The following TAFA2 variants were observed in gnomAD, a reference collection of about 807,000 sequenced individuals.
TAFA2 encodes the protein TAFA chemokine like family member 2.
TAFA2 carries 7 observed loss-of-function variants against 18.8 expected under a neutral mutation model. The observed-to-expected ratio is 0.37, with a 90% CI of 0.21 to 0.70. The LOEUF (loss-of-function observed/expected upper bound fraction) is 0.70, where lower values mean the gene tolerates loss of function less well. Among genes scored for constraint, TAFA2 ranks in the 30% least tolerant of loss-of-function variants. TAFA2 has a pLI of 0.53. For missense variants in TAFA2, 122 were observed against 158.1 expected (o/e 0.77, Z 1.23); for synonymous variants, 60 against 54.2 (o/e 1.11, Z -0.47).
chr12:62,046,547 C>T (rs1294967544), intron 1 of TAFA2, among the ~76,000 whole-genome samples: 2 of 151,968 alleles, frequency 1.3e-5, no homozygotes, highest in Non-Finnish European at 2.9e-5. Flanking sequence ...TTTAAATGCC[C>T]TGATTTTGGC....
intron 1 of TAFA2, among the ~76,000 whole-genome samples, chr12:61,896,504 T>C (rs1016228586): frequency 6.6e-6 from 1 of 152,238 alleles, no homozygotes. Context: ...CACATCATTG[T>C]TCCTGATATT....
intron 4 of TAFA2, among the ~76,000 whole-genome samples, chr12:61,724,682 C>T (rs1379242286): frequency 6.6e-6 from 1 of 151,560 alleles, no homozygotes; most frequent in Non-Finnish European, 1.5e-5. Context: ...TAATGGCCTC[C>T]ATCCAGGTTA....
intron 1 of TAFA2, among the ~76,000 whole-genome samples, chr12:62,112,567 T>C (rs1178675499): frequency 6.6e-6 from 1 of 152,172 alleles, no homozygotes; most frequent in Non-Finnish European, 1.5e-5. Flanking sequence ...CTGGATAATA[T>C]CCTGAAGAAT....
chr12:61,877,940 CATACATATACATATATAT>C (rs1874936616), intron 1 of TAFA2: 1 of 359,082 alleles, frequency 2.8e-6, no homozygotes, highest in South Asian at 2.2e-5. Context: ...CACACACACA[CATACATATACATATATAT>C]ACACACACAG....
At chr12:61,968,237 T>C (rs1049422326) in intron 1 of TAFA2, among the ~76,000 whole-genome samples, 1 of 151,760 alleles carries the variant, frequency 6.6e-6, no homozygotes, top group African/African-American at 2.4e-5. Flanking sequence ...CCTTTTGTCA[T>C]GCTATTTTAC....
At chr12:62,111,163 T>A (rs544029018) in intron 1 of TAFA2, among the ~76,000 whole-genome samples, 1 of 152,358 alleles carries the variant, frequency 6.6e-6, no homozygotes, top group African/African-American at 2.4e-5. Context: ...TTTAACTGTG[T>A]CCCAGAGATT....
intron 1 of TAFA2, among the ~76,000 whole-genome samples, chr12:62,203,074 A>G (rs1034782977): frequency 6.6e-5 from 10 of 150,960 alleles, no homozygotes; most frequent in Non-Finnish European, 1.3e-4. Flanking sequence ...TGATTCACCC[A>G]CCTCAGCCTC....
At chr12:61,884,475 G>A (rs1425900442) in intron 1 of TAFA2, among the ~76,000 whole-genome samples, 1 of 152,144 alleles carries the variant, frequency 6.6e-6, no homozygotes, top group African/African-American at 2.4e-5. Context: ...ACTCTTTGAT[G>A]ATTATTTGTA....
chr12:62,012,117 TA>T (rs1880791097), intron 1 of TAFA2, among the ~76,000 whole-genome samples: 1 of 152,208 alleles, frequency 6.6e-6, no homozygotes, highest in African/African-American at 2.4e-5. Context: ...TAAGGCTTAA[TA>T]TTTTTAGTCA....
chr12:61,892,359 G>T (rs974442789), intron 1 of TAFA2, among the ~76,000 whole-genome samples: 2 of 152,118 alleles, frequency 1.3e-5, no homozygotes, highest in Non-Finnish European at 2.9e-5. Flanking sequence ...CAAACCTGAA[G>T]CTTAGGGAGA....
At chr12:61,798,587 A>G (rs1181838109) in intron 2 of TAFA2, among the ~76,000 whole-genome samples, 1 of 151,964 alleles carries the variant, frequency 6.6e-6, no homozygotes, top group African/African-American at 2.4e-5. Flanking sequence ...GACAACCCCC[A>G]TTCTACTTTC....
chr12:61,913,968 C>T lies in TAFA2; in HGVS notation c.-1-46542G>A, dbSNP rs138131434. Reference sequence around the variant, plus strand: ...TCAGTTGAATATGAATTTTTGGAAACGGTTTTGTGATAAAGTAACAGAAAC... The same window carrying T: ...TCAGTTGAATATGAATTTTTGGAAATGGTTTTGTGATAAAGTAACAGAAAC... On this transcript the variant is annotated intron_variant, in intron 1 of 4. Transcript: ENST00000416284. 2.4e-3 allele frequency among the ~76,000 whole-genome samples: 359 copies of T among 152,206 alleles called. 1 individual carries two copies. The highest frequency in any genetic ancestry group is 3.3e-3 in the Non-Finnish European group (226 of 68,008).
chr12:61,740,056 G>C (rs1186217264), intron 4 of TAFA2, among the ~76,000 whole-genome samples: 1 of 152,034 alleles, frequency 6.6e-6, no homozygotes, highest in Non-Finnish European at 1.5e-5. Flanking sequence ...AGCATTCTTT[G>C]AAAATAAATT....
In TAFA2 at chr12:62,002,219, A is replaced by G. The variant is rs550811989; in HGVS notation, c.-1-134793T>C. Among the ~76,000 whole-genome samples, 493 of 152,300 alleles carry G rather than the reference A, an allele frequency of 3.2e-3. 3 individuals carry two copies. The highest frequency in any genetic ancestry group is 0.011 in the African/African-American group (470 of 41,560). On this transcript the variant is annotated intron_variant, in intron 1 of 4. Transcript: ENST00000416284. ...TGTATATTGCATGTATTCCATAAAT[A>G]TTTCTAGATTTATTTATTTGGAATA...
intron 1 of TAFA2, among the ~76,000 whole-genome samples, chr12:62,088,880 TTCTCTCTCTC>T (rs35124773): frequency 6.7e-6 from 1 of 149,204 alleles, no homozygotes; most frequent in Non-Finnish European, 1.5e-5. Context: ...ATGTTTTTCT[TTCTCTCTCTC>T]TCTCTCTCTC....
chr12:62,171,106 T>C (rs904098480), intron 1 of TAFA2, among the ~76,000 whole-genome samples: 1 of 152,116 alleles, frequency 6.6e-6, no homozygotes, highest in Admixed American at 6.5e-5. Context: ...ATTTAAGGTG[T>C]CACAATTATA....
intron 1 of TAFA2, among the ~76,000 whole-genome samples, chr12:62,002,597 C>T (rs934791824): frequency 6.6e-6 from 1 of 152,126 alleles, no homozygotes; most frequent in Non-Finnish European, 1.5e-5. Flanking sequence ...GTGTCATTTC[C>T]ACTTATTGCT....
At chr12:61,965,078 G>T (rs1024951716) in intron 1 of TAFA2, among the ~76,000 whole-genome samples, 1 of 151,782 alleles carries the variant, frequency 6.6e-6, no homozygotes, top group Non-Finnish European at 1.5e-5. Context: ...AATCCAAAAG[G>T]TTAGCTTCTA....
In TAFA2 at chr12:61,970,661, GT is replaced by G. The variant is rs199776823; in HGVS notation, c.-1-103236del. ...GAGAAAATGATATAACAGAAGAACT[GT>G]TTTTAGATAATTGACTAGTTAACAA... On this transcript the variant is annotated intron_variant, in intron 1 of 4. Transcript: ENST00000416284. Among the ~76,000 whole-genome samples the G allele has an allele frequency of 7.0e-3, 1,065 of 151,436 alleles. 14 individuals are homozygous for G. Among genetic ancestry groups the G allele is most frequent in the African/African-American group, 0.025 (1,015 of 41,398 alleles).
Sources: gnomAD v4.1 joint callset for allele counts (sites outside exome capture counted in the v4.1 genomes callset) on GRCh38, gnomAD v4.1.1 for gene constraint, MANE v1.5 for transcripts, NCBI Gene and HGNC (gene_info 2026-07-23, HGNC 2026-07-21) for gene names.